The following CDK7 variants were observed in gnomAD, a reference collection of about 807,000 sequenced individuals.
CDK7 encodes cyclin-dependent kinase 7.
CDK7 carries 25 observed loss-of-function variants against 49.1 expected under a neutral mutation model. The observed-to-expected ratio is 0.51, with a 90% CI of 0.37 to 0.71. The LOEUF (loss-of-function observed/expected upper bound fraction) is 0.71. Among genes scored for constraint, CDK7 ranks in the 30% least tolerant of loss-of-function variants. The pLI is 0.00. For synonymous variants in CDK7, 107 were observed against 140.0 expected (o/e 0.76, Z 1.67); for missense variants, 316 against 411.7 (o/e 0.77, Z 2.01).
At chr5:69,277,021 G>C in intron 11 of CDK7, 86 bp from the exon 12 acceptor site, 1 of 1,107,938 alleles carries the variant, frequency 9.0e-7, no homozygotes, top group Non-Finnish European at 1.3e-6. Context: ...TAGTTGGAAT[G>C]CAGTGACTGG....
intron 2 of CDK7, among the ~76,000 whole-genome samples, chr5:69,251,445 A>G (rs1264460588): frequency 2.0e-5 from 3 of 151,918 alleles, no homozygotes; most frequent in African/African-American, 4.8e-5. Context: ...GGGTCTTGCT[A>G]TGTTGCCCAG....
At chr5:69,262,432 G>A (rs542802709) in intron 8 of CDK7, 128 bp downstream of exon 8, 5 of 1,206,038 alleles carry the variant, frequency 4.1e-6, no homozygotes, top group South Asian at 1.3e-5. Context: ...ACTTTGGGAG[G>A]CCGAGGCAGG....
rs1258091697 is a variant in CDK7, at chr5:69,273,092, T to G, written c.864+51T>G. 5.8e-6 allele frequency: 7 copies of G among 1,200,972 alleles called. No individual in the cohort carries two copies. In the Admixed American group the frequency reaches 9.6e-5, roughly 17 times the overall value. 74.4% of individuals were successfully genotyped at this position (1,200,972 alleles called of 1,614,324 possible). A position where few individuals can be genotyped will look rare whatever the true frequency, so the allele number is the denominator to read the frequency against. ...TAGGAAATATAAAAATAATCTTAAC[T>G]GTAGCATTGATAAAAATAGAATTTC... On this transcript the variant is annotated intron_variant, in intron 10 of 11. Coordinates refer to ENST00000256443, the MANE Select transcript of CDK7 (RefSeq NM_001799.4).
chr5:69,241,412 C>G (rs1404259385), intron 2 of CDK7, among the ~76,000 whole-genome samples: 1 of 147,254 alleles, frequency 6.8e-6, no homozygotes, highest in Non-Finnish European at 1.5e-5. Flanking sequence ...CCTCCGCCTC[C>G]TGGGTTCAAG....
chr5:69,269,344 C>G, intron 9 of CDK7, 51 bp downstream of exon 9: 1 of 1,271,228 alleles, frequency 7.9e-7, no homozygotes, highest in East Asian at 2.3e-5. Context: ...CTGTAAAGTT[C>G]TTAAACTGTC....
intron 10 of CDK7, among the ~76,000 whole-genome samples, chr5:69,274,836 G>A (rs13163459): frequency 0.28 from 42,505 of 151,982 alleles, 6,546 homozygotes; most frequent in East Asian, 0.4. Flanking sequence ...GGCTGATCTC[G>A]AACTCCTGAC....
intron 5 of CDK7, 111 bp from the exon 6 acceptor site, chr5:69,257,932 T>C (rs1000748312): frequency 6.8e-5 from 46 of 676,984 alleles, no homozygotes; most frequent in Non-Finnish European, 1.2e-4. Context: ...ATAACCTCTT[T>C]TGAGAGTCTC....
At chr5:69,273,801 C>T (rs1156445391) in intron 10 of CDK7, among the ~76,000 whole-genome samples, 1 of 152,076 alleles carries the variant, frequency 6.6e-6, no homozygotes, top group Non-Finnish European at 1.5e-5. Context: ...AGGTTTGTTC[C>T]AGGCTACAAA....
Position 69,265,134 on chromosome 5 carries a change from G to A in CDK7, c.627+2830G>A, listed in dbSNP as rs1029202841. ...AAAAAAATTAGCTAGGCGTGGTGGCGGGCACCTGTAGTTCCAGCTACTCGG... is the reference window on the plus strand; with the variant it reads ...AAAAAAATTAGCTAGGCGTGGTGGCAGGCACCTGTAGTTCCAGCTACTCGG... On this transcript the variant is annotated intron_variant, in intron 8 of 11. Transcript: ENST00000256443. Among the ~76,000 whole-genome samples, 5 of 151,692 alleles carry A rather than the reference G, an allele frequency of 3.3e-5. No homozygotes were observed. The South Asian group carries it at 6.2e-4, about 19-fold the overall frequency.
At chr5:69,267,814 T>G (rs1478857149) in intron 8 of CDK7, among the ~76,000 whole-genome samples, 1 of 152,128 alleles carries the variant, frequency 6.6e-6, no homozygotes, top group Non-Finnish European at 1.5e-5. Flanking sequence ...TTCTTAAAAT[T>G]TGTTTAAATT....
At chr5:69,252,697 T>C (rs1218536207) in intron 3 of CDK7, among the ~76,000 whole-genome samples, 1 of 151,900 alleles carries the variant, frequency 6.6e-6, no homozygotes. Context: ...TTTGTAGAGA[T>C]GAGGTCTGGC....
intron 2 of CDK7, among the ~76,000 whole-genome samples, chr5:69,249,702 T>C (rs888875710): frequency 6.6e-6 from 1 of 152,124 alleles, no homozygotes; most frequent in Non-Finnish European, 1.5e-5. Context: ...CAAAATTAGC[T>C]GGGCATGGTG....
chr5:69,276,757 A>C (rs1442361518), intron 11 of CDK7, 67 bp downstream of exon 11: 34 of 1,344,850 alleles, frequency 2.5e-5, no homozygotes, highest in Non-Finnish European at 3.3e-5. Flanking sequence ...GTGTATGGCT[A>C]GCGACTGAAC....
intron 2 of CDK7, among the ~76,000 whole-genome samples, chr5:69,239,497 C>T (rs1019453650): frequency 6.6e-6 from 1 of 152,084 alleles, no homozygotes; most frequent in African/African-American, 2.4e-5. Flanking sequence ...TATCAAACTC[C>T]TGGCCTTAAG....
chr5:69,267,315 T>C, intron 8 of CDK7, among the ~76,000 whole-genome samples: 1 of 85,630 alleles, frequency 1.2e-5, no homozygotes, highest in African/African-American at 4.7e-5. Flanking sequence ...TTTTTTTTTT[T>C]TTTTTGAGAC....
At chr5:69,242,575 A>G (rs1451147219) in intron 2 of CDK7, among the ~76,000 whole-genome samples, 1 of 152,216 alleles carries the variant, frequency 6.6e-6, no homozygotes, top group African/African-American at 2.4e-5. Flanking sequence ...ACTCCTAAAC[A>G]ATAATTCTAA....
intron 5 of CDK7, among the ~76,000 whole-genome samples, chr5:69,256,275 TA>T (rs1339556856): frequency 1.3e-5 from 2 of 152,162 alleles, no homozygotes; most frequent in Non-Finnish European, 2.9e-5. Flanking sequence ...CAAATTATAT[TA>T]AAAAATAAAG....
intron 10 of CDK7, among the ~76,000 whole-genome samples, chr5:69,275,491 G>GGATA (rs1181998016): frequency 6.6e-6 from 1 of 152,038 alleles, no homozygotes; most frequent in African/African-American, 2.4e-5. Flanking sequence ...ATTTCACTAA[G>GGATA]GATAGCTCAT....
rs138374518 is a variant in CDK7, at chr5:69,257,436, TTAAC to T, written c.298-603_298-600del. ...TGCCATCAAAACTCAGTCTTACGCT[TTAAC>T]TAAGCTCCATTTTCTTCTCTGTTGC... On this transcript the variant is annotated intron_variant, in intron 5 of 11. Coordinates refer to ENST00000256443, the MANE Select transcript of CDK7 (RefSeq NM_001799.4). 4.3e-4 allele frequency among the ~76,000 whole-genome samples: 65 copies of T among 152,340 alleles called. 1 individual carries two copies. The highest frequency in any genetic ancestry group is 1.5e-3 in the African/African-American group (62 of 41,580).
Sources: allele counts gnomAD v4.1 joint callset (sites outside exome capture counted in the v4.1 genomes callset), GRCh38; gene constraint gnomAD v4.1.1; transcripts MANE v1.5; gene names NCBI Gene and HGNC (gene_info 2026-07-23, HGNC 2026-07-21).